Variants in FARS2 observed in about 807,000 individuals in gnomAD.
FARS2 encodes the protein phenylalanyl-tRNA synthetase 2, mitochondrial.
FARS2 carries 40 observed loss-of-function variants against 46.4 expected under a neutral mutation model. The ratio of observed to expected loss-of-function variants is 0.86; its 90% confidence interval spans 0.67 to 1.12. The LOEUF (loss-of-function observed/expected upper bound fraction) is 1.12, where lower values mean the gene tolerates loss of function less well. Among genes scored for constraint, FARS2 ranks in the 50% most tolerant of loss-of-function variants. The pLI is 0.00. For synonymous variants in FARS2, 234 were observed against 214.9 expected (o/e 1.09, Z -0.78); for missense variants, 513 against 567.9 (o/e 0.90, Z 0.98).
At chr6:5,689,530 GAGTTCT>G (rs966120220) in intron 6 of FARS2, among the ~76,000 whole-genome samples, 9 of 152,158 alleles carry the variant, frequency 5.9e-5, no homozygotes, top group African/African-American at 2.2e-4. Flanking sequence ...TCTTAATCCT[GAGTTCT>G]AGTTTGATTG....
intron 4 of FARS2, among the ~76,000 whole-genome samples, chr6:5,488,556 G>A (rs745828692): frequency 1.2e-4 from 18 of 152,086 alleles, no homozygotes; most frequent in Non-Finnish European, 2.1e-4. Context: ...TAATTTTACA[G>A]TACAGTGCTG....
chr6:5,253,469 C>T, the FARS2 span, among the ~76,000 whole-genome samples: 6 of 151,346 alleles, frequency 4.0e-5, no homozygotes, highest in Non-Finnish European at 7.4e-5. Context: ...GTTTATTTTA[C>T]ACTATGGAAA....
intron 6 of FARS2, among the ~76,000 whole-genome samples, chr6:5,701,994 A>T (rs1268921602): frequency 4.6e-5 from 7 of 152,184 alleles, no homozygotes; most frequent in Non-Finnish European, 7.3e-5. Flanking sequence ...ATACTTACAG[A>T]TGTGTTCTCA....
chr6:5,449,352 C>CAAAAAAAA (rs5873985), intron 4 of FARS2, among the ~76,000 whole-genome samples: 5 of 120,832 alleles, frequency 4.1e-5, no homozygotes, highest in East Asian at 2.3e-4. Context: ...GACTCCATCT[C>CAAAAAAAA]AAAAAAAAAA....
chr6:5,402,086 CTTCT>C (rs1761290324), intron 2 of FARS2, among the ~76,000 whole-genome samples: 1 of 151,348 alleles, frequency 6.6e-6, no homozygotes, highest in African/African-American at 2.4e-5. Context: ...CTTTCTGATT[CTTCT>C]TTCTTTATTT....
At chr6:5,288,695 T>C (rs1041885518) in intron 1 of FARS2, among the ~76,000 whole-genome samples, 1 of 152,166 alleles carries the variant, frequency 6.6e-6, no homozygotes, top group African/African-American at 2.4e-5. Flanking sequence ...AAATCCCTGC[T>C]CTCATGCAGC....
intron 1 of FARS2, among the ~76,000 whole-genome samples, chr6:5,297,688 C>T (rs971585934): frequency 1.3e-5 from 2 of 151,876 alleles, no homozygotes; most frequent in African/African-American, 4.8e-5. Context: ...AGAACAGCAA[C>T]AGCAACAACA....
At chr6:5,405,957 A>G (rs1259753439) in intron 3 of FARS2, among the ~76,000 whole-genome samples, 1 of 152,116 alleles carries the variant, frequency 6.6e-6, no homozygotes, top group East Asian at 1.9e-4. Context: ...TGCAATCTAG[A>G]CCTCACTTAG....
In FARS2 at chr6:5,765,981, T is replaced by C. The variant is rs1762731155; in HGVS notation, c.1218-5310T>C. On this transcript the variant is annotated intron_variant, in intron 6 of 6. Coordinates refer to ENST00000274680, the MANE Select transcript of FARS2 (RefSeq NM_006567.5). The surrounding 1 kb of genome is among the most constrained non-coding windows in gnomAD (Gnocchi z 4.0). Reference sequence around the variant, plus strand: ...AATCTTTAAAAAAAATCAAACTCTATCCAGTGACCAACTCATTTTAGCCAA... The same window carrying C: ...AATCTTTAAAAAAAATCAAACTCTACCCAGTGACCAACTCATTTTAGCCAA... Among the ~76,000 whole-genome samples, 1 of 152,136 alleles carries C rather than the reference T, an allele frequency of 6.6e-6. No individual in the cohort carries two copies. Among genetic ancestry groups the C allele is most frequent in the East Asian group, 1.9e-4 (1 of 5,194 alleles).
intron 6 of FARS2, among the ~76,000 whole-genome samples, chr6:5,736,447 C>T (rs1196473477): frequency 6.6e-6 from 1 of 151,996 alleles, no homozygotes; most frequent in East Asian, 1.9e-4. Context: ...ACATTCTTGT[C>T]TCTGGAGAGC....
chr6:5,521,828 T>A (rs1006428196), intron 4 of FARS2, among the ~76,000 whole-genome samples: 2 of 152,234 alleles, frequency 1.3e-5, no homozygotes, highest in Non-Finnish European at 2.9e-5. Context: ...TTTGCACTGT[T>A]GAAGAACATT....
intron 6 of FARS2, among the ~76,000 whole-genome samples, chr6:5,664,751 C>G (rs1778023751): frequency 6.6e-6 from 1 of 152,208 alleles, no homozygotes; most frequent in Non-Finnish European, 1.5e-5. Flanking sequence ...GACGCTTCCT[C>G]AGCGTAGGCA....
chr6:5,689,789 G>A (rs548907670), intron 6 of FARS2, among the ~76,000 whole-genome samples: 2 of 152,266 alleles, frequency 1.3e-5, no homozygotes, highest in South Asian at 4.2e-4. Flanking sequence ...GTCTAATGTT[G>A]ACCGTGGGGT....
At chr6:5,341,204 T>TATATAG (rs1771551908) in intron 1 of FARS2, among the ~76,000 whole-genome samples, 2 of 4,712 alleles carry the variant, frequency 4.2e-4, no homozygotes, top group Admixed American at 2.6e-3. Context: ...TATATATATA[T>TATATAG]ATATATATAT....
chr6:5,399,946 A>G (rs1241803870), intron 2 of FARS2, among the ~76,000 whole-genome samples: 5 of 152,182 alleles, frequency 3.3e-5, no homozygotes, highest in Admixed American at 6.5e-5. Context: ...GTGCATGTGT[A>G]TTAATGTTGG....
chr6:5,760,634 C>G (rs1338308563), intron 6 of FARS2, among the ~76,000 whole-genome samples: 4 of 152,216 alleles, frequency 2.6e-5, no homozygotes, highest in African/African-American at 9.6e-5. Context: ...CCCACCCCTC[C>G]CTGCCGCATC....
At chr6:5,595,801 ATGACAGACGACTGGAATCATCCCT>A (rs2150617726) in intron 5 of FARS2, among the ~76,000 whole-genome samples, 1 of 152,326 alleles carries the variant, frequency 6.6e-6, no homozygotes, top group East Asian at 1.9e-4. Flanking sequence ...TGGCAACACC[ATGACAGACGACTGGAATCATCCCT>A]CTTTTTGTAG....
chr6:5,450,015 G>GT (rs1438463795), intron 4 of FARS2, among the ~76,000 whole-genome samples: 1 of 152,200 alleles, frequency 6.6e-6, no homozygotes, highest in Non-Finnish European at 1.5e-5. Context: ...TTGGCCCTCT[G>GT]TATACATGGG....
Position 5,394,966 on chromosome 6 carries a change from C to CT in FARS2, c.613-9568dup, listed in dbSNP as rs1331078187. On this transcript the variant is annotated intron_variant, in intron 2 of 6. Coordinates refer to ENST00000274680, the MANE Select transcript of FARS2 (RefSeq NM_006567.5). ...GGACTGTCACCTTGTAGGCCTCTCT[C>CT]TTTTTTTTGCCGTTTCTTAGTTTAG... Among the ~76,000 whole-genome samples the CT allele has an allele frequency of 1.1e-4, 16 of 151,924 alleles. No individual in the cohort carries two copies. In the South Asian group the frequency reaches 2.1e-3, roughly 20 times the overall value.
Sources: allele counts gnomAD v4.1 joint callset (sites outside exome capture counted in the v4.1 genomes callset), GRCh38; gene constraint gnomAD v4.1.1; non-coding constraint Gnocchi (gnomAD v3.1); transcripts MANE v1.5; gene names NCBI Gene and HGNC (gene_info 2026-07-23, HGNC 2026-07-21).